Variants in CCDC91 observed in about 807,000 individuals in gnomAD.
The protein encoded by CCDC91 is coiled-coil domain-containing protein 91.
Under a neutral mutation model 63.2 loss-of-function variants are expected in CCDC91, and 48 were observed. The observed-to-expected ratio is 0.76, with a 90% CI of 0.60 to 0.97. The LOEUF is 0.97. Ranked by LOEUF, CCDC91 falls within the 50% of genes least tolerant of loss-of-function variation. The pLI is 0.00. For synonymous variants in CCDC91, 167 were observed against 165.8 expected (o/e 1.01, Z -0.06); for missense variants, 500 against 494.6 (o/e 1.01, Z -0.10).
At chr12:28,431,692 A>G (rs928926002) in intron 8 of CCDC91, among the ~76,000 whole-genome samples, 4 of 151,980 alleles carry the variant, frequency 2.6e-5, no homozygotes, top group African/African-American at 9.7e-5. Context: ...CCTCTCTGCC[A>G]TTGTGAATTC....
At position 28,197,431 on chromosome 12, in the gene CCDC91, G is replaced by T. The variant is rs185494155; in HGVS notation, c.-15+6790G>T. Among the ~76,000 whole-genome samples the T allele has an allele frequency of 2.6e-5, 4 of 152,126 alleles. No individual in the cohort carries two copies. In the East Asian group the frequency reaches 5.8e-4, roughly 22 times the overall value. ...TGCTCTTCTTTTGATAAGAATTATA[G>T]AAATCTTTGTGCCTAGCTTCATGTA... is the stretch of plus-strand genomic sequence containing the variant. On this transcript the variant is annotated intron_variant, in intron 1 of 12. Transcript: ENST00000536442.
intron 12 of CCDC91, among the ~76,000 whole-genome samples, chr12:28,497,571 A>G (rs1048601733): frequency 6.6e-6 from 1 of 151,532 alleles, no homozygotes; most frequent in African/African-American, 2.4e-5. Flanking sequence ...TCCAATGTGG[A>G]TGATTTTATG....
At chr12:28,527,259 A>G (rs963654745) in intron 12 of CCDC91, among the ~76,000 whole-genome samples, 2 of 152,184 alleles carry the variant, frequency 1.3e-5, no homozygotes, top group Non-Finnish European at 2.9e-5. Context: ...TCTAGGGCTC[A>G]AGGCTCTTGT....
intron 8 of CCDC91, among the ~76,000 whole-genome samples, chr12:28,441,781 A>T (rs1949239030): frequency 6.6e-6 from 1 of 150,974 alleles, no homozygotes; most frequent in Non-Finnish European, 1.5e-5. Context: ...TGCATGTGAT[A>T]TATGGTCAGA....
At chr12:28,215,702 A>T (rs1020645534) in intron 1 of CCDC91, among the ~76,000 whole-genome samples, 7 of 152,186 alleles carry the variant, frequency 4.6e-5, no homozygotes, top group African/African-American at 1.4e-4. Context: ...AGCAGAATTT[A>T]TAGTAAATAT....
chr12:28,298,359 G>C (rs1949677737), intron 3 of CCDC91, among the ~76,000 whole-genome samples: 1 of 122,946 alleles, frequency 8.1e-6, no homozygotes, highest in South Asian at 3.0e-4. Context: ...GCTGATTGTT[G>C]AGTTTTTTTT....
intron 11 of CCDC91, among the ~76,000 whole-genome samples, chr12:28,478,022 A>C (rs1268469879): frequency 2.6e-5 from 4 of 152,164 alleles, no homozygotes; most frequent in Non-Finnish European, 5.9e-5. Context: ...ATATCGTGAA[A>C]ATGGCCATAC....
At chr12:28,363,606 G>A (rs747375602) in intron 7 of CCDC91, among the ~76,000 whole-genome samples, 1 of 152,102 alleles carries the variant, frequency 6.6e-6, no homozygotes, top group South Asian at 2.1e-4. Flanking sequence ...CATTTGGGCC[G>A]GGCATGGTGG....
intron 1 of CCDC91, among the ~76,000 whole-genome samples, chr12:28,243,253 T>C (rs1210704845): frequency 6.6e-6 from 1 of 152,032 alleles, no homozygotes; most frequent in Non-Finnish European, 1.5e-5. Context: ...TATCCAGCTG[T>C]CCCATAGGGA....
At chr12:28,318,358 CA>C (rs1019471895) in intron 6 of CCDC91, among the ~76,000 whole-genome samples, 23 of 148,630 alleles carry the variant, frequency 1.5e-4, no homozygotes, top group Admixed American at 1.4e-3. Flanking sequence ...CCCCATTTCT[CA>C]AGAAAAAAAA....
Position 28,350,290 on chromosome 12 carries a change from A to C in CCDC91, c.577-12148A>C, listed in dbSNP as rs184299222. Among the ~76,000 whole-genome samples, 305 of 152,292 alleles carry C rather than the reference A, an allele frequency of 2.0e-3. 7 individuals are homozygous for C. Among genetic ancestry groups the C allele is most frequent in the Non-Finnish European group, 1.2e-4 (8 of 68,010 alleles). ...TAAAGATCTGGTATTATTGCTATTAATTTTTATTATTAAGATCTGTGTTAA... is the reference window on the plus strand; with the variant it reads ...TAAAGATCTGGTATTATTGCTATTACTTTTTATTATTAAGATCTGTGTTAA... On this transcript the variant is annotated intron_variant, in intron 6 of 12. Transcript: ENST00000536442.
intron 7 of CCDC91, among the ~76,000 whole-genome samples, chr12:28,380,716 A>G (rs1945247691): frequency 6.6e-6 from 1 of 152,088 alleles, no homozygotes; most frequent in South Asian, 2.1e-4. Context: ...TGGAGGACTG[A>G]TTATACAGTA....
intron 6 of CCDC91, among the ~76,000 whole-genome samples, chr12:28,329,655 T>A (rs1351881382): frequency 6.6e-6 from 1 of 152,146 alleles, no homozygotes; most frequent in Non-Finnish European, 1.5e-5. Context: ...CTAGGGTACA[T>A]GTGCACAACG....
chr12:28,315,960 C>T (rs568061447), intron 6 of CCDC91, among the ~76,000 whole-genome samples: 192 of 151,906 alleles, frequency 1.3e-3, no homozygotes, highest in Non-Finnish European at 2.5e-3. Flanking sequence ...TTCATAGTGA[C>T]TCATATAGAA....
At chr12:28,293,232 C>T (rs1446013260) in intron 3 of CCDC91, among the ~76,000 whole-genome samples, 3 of 152,036 alleles carry the variant, frequency 2.0e-5, no homozygotes, top group Non-Finnish European at 2.9e-5. Flanking sequence ...AACTAGCATA[C>T]ATAGAAGTAA....
chr12:28,532,672 C>G (rs774876455), intron 12 of CCDC91, among the ~76,000 whole-genome samples: 1 of 151,892 alleles, frequency 6.6e-6, no homozygotes, highest in Non-Finnish European at 1.5e-5. Flanking sequence ...GTTATTATGT[C>G]AACAAGCATA....
chr12:28,222,087 T>C (rs1338534006), intron 1 of CCDC91, among the ~76,000 whole-genome samples: 2 of 152,220 alleles, frequency 1.3e-5, no homozygotes, highest in Non-Finnish European at 2.9e-5. Flanking sequence ...TATTTCATCT[T>C]GTACATCCTT....
At chr12:28,293,575 G>A (rs945337669) in intron 3 of CCDC91, among the ~76,000 whole-genome samples, 1 of 152,000 alleles carries the variant, frequency 6.6e-6, no homozygotes. Flanking sequence ...TTCTCTTTAG[G>A]CATTTAATGA....
intron 1 of CCDC91, among the ~76,000 whole-genome samples, chr12:28,255,055 C>T (rs775807965): frequency 1.8e-4 from 28 of 152,034 alleles, no homozygotes; most frequent in South Asian, 4.1e-4. Flanking sequence ...GGATTACAGG[C>T]GTGAGCCACC....
Sources: allele counts gnomAD v4.1 joint callset (sites outside exome capture counted in the v4.1 genomes callset), GRCh38; gene constraint gnomAD v4.1.1; transcripts MANE v1.5; gene names NCBI Gene and HGNC (gene_info 2026-07-23, HGNC 2026-07-21).